Variants in GLRA3 observed in about 807,000 individuals in gnomAD.
GLRA3 encodes glycine receptor alpha 3, also known as glycine receptor subunit alpha-3.
Under a neutral mutation model 60.4 loss-of-function variants are expected in GLRA3, and 44 were observed. That is an observed-to-expected ratio of 0.73 (90% CI 0.57 to 0.94). The LOEUF is 0.94. Among genes scored for constraint, GLRA3 ranks in the 40% least tolerant of loss-of-function variants. The pLI, the probability that GLRA3 is intolerant of heterozygous loss-of-function variation, is 0.00. For synonymous variants in GLRA3, 223 were observed against 192.9 expected, an observed-to-expected ratio of 1.16 and a Z score of -1.29; for missense variants, 508 against 564.6, an observed-to-expected ratio of 0.90 and a Z score of 1.02.
At chr4:174,822,880 A>G (rs1205786323) in intron 1 of GLRA3, among the ~76,000 whole-genome samples, 1 of 152,190 alleles carries the variant, frequency 6.6e-6, no homozygotes, top group Non-Finnish European at 1.5e-5. Context: ...TACTAGTAAT[A>G]CTTCCTCCTA....
At chr4:174,726,820 C>G (rs1395353051) in intron 4 of GLRA3, among the ~76,000 whole-genome samples, 1 of 143,652 alleles carries the variant, frequency 7.0e-6, no homozygotes, top group Non-Finnish European at 1.5e-5. Flanking sequence ...GAGATTCTTG[C>G]TATCTTTTGA....
chr4:174,774,638 G>C (rs181705901), intron 2 of GLRA3, among the ~76,000 whole-genome samples: 1 of 152,054 alleles, frequency 6.6e-6, no homozygotes, highest in African/African-American at 2.4e-5. Context: ...CTAAATAACT[G>C]AATAAGAATA....
intron 2 of GLRA3, among the ~76,000 whole-genome samples, chr4:174,772,564 G>A (rs1266409138): frequency 6.6e-6 from 1 of 152,080 alleles, no homozygotes; most frequent in Non-Finnish European, 1.5e-5. Flanking sequence ...ACACTTACTT[G>A]AAAGGCAGAT....
chr4:174,799,144 C>A (rs1195783618), intron 1 of GLRA3, among the ~76,000 whole-genome samples: 1 of 152,048 alleles, frequency 6.6e-6, no homozygotes, highest in Non-Finnish European at 1.5e-5. Context: ...ATATCTTAGG[C>A]ACAGGATTAA....
rs1274280450 is a variant in GLRA3, at chr4:174,760,041, T to C, written c.267+6922A>G. Among the ~76,000 whole-genome samples the C allele has an allele frequency of 2.6e-5, 4 of 152,280 alleles. No homozygotes were observed. In the East Asian group the frequency reaches 5.8e-4, roughly 22 times the overall value. ...TTATTTATACATCAAAAAGAATGCC[T>C]TGAAGAGTAGAATAAATGTTTAAAA... is the stretch of plus-strand genomic sequence containing the variant. On this transcript the variant is annotated intron_variant, in intron 3 of 9. Transcript: ENST00000274093.
At chr4:174,681,699 C>T (rs913199972) in intron 6 of GLRA3, among the ~76,000 whole-genome samples, 3 of 152,284 alleles carry the variant, frequency 2.0e-5, no homozygotes, top group East Asian at 3.9e-4. Flanking sequence ...CGAGAGAACA[C>T]ATTTCTGTTG....
chr4:174,649,672 T>A (rs1024201556), intron 9 of GLRA3, among the ~76,000 whole-genome samples: 1 of 152,038 alleles, frequency 6.6e-6, no homozygotes, highest in African/African-American at 2.4e-5. Context: ...TGCTGACTAT[T>A]TGGGTTCAGT....
intron 1 of GLRA3, among the ~76,000 whole-genome samples, chr4:174,810,050 G>A (rs1252372438): frequency 6.6e-6 from 1 of 152,126 alleles, no homozygotes; most frequent in Non-Finnish European, 1.5e-5. Flanking sequence ...AATGTACAAT[G>A]TGTCGAGCAC....
intron 3 of GLRA3, among the ~76,000 whole-genome samples, chr4:174,754,089 A>T (rs1737593979): frequency 6.6e-6 from 1 of 152,092 alleles, no homozygotes; most frequent in African/African-American, 2.4e-5. Context: ...ATTCTCTATG[A>T]TATTCTGTAT....
chr4:174,771,623 G>C (rs1296441123), intron 2 of GLRA3, among the ~76,000 whole-genome samples: 1 of 152,136 alleles, frequency 6.6e-6, no homozygotes, highest in East Asian at 1.9e-4. Flanking sequence ...CATGTTGGGG[G>C]AACATGGCCC....
chr4:174,820,253 T>C (rs1344673092), intron 1 of GLRA3, among the ~76,000 whole-genome samples: 1 of 151,960 alleles, frequency 6.6e-6, no homozygotes, highest in Non-Finnish European at 1.5e-5. Context: ...TAAAGAAAAA[T>C]AAGCTGCACC....
At chr4:174,676,750 A>T (rs942849160) in intron 7 of GLRA3, among the ~76,000 whole-genome samples, 3 of 152,158 alleles carry the variant, frequency 2.0e-5, no homozygotes, top group African/African-American at 7.2e-5. Flanking sequence ...TAAAATTACC[A>T]TGTAGATTCA....
chr4:174,764,634 A>T (rs1301048302), intron 3 of GLRA3, among the ~76,000 whole-genome samples: 1 of 152,030 alleles, frequency 6.6e-6, no homozygotes, highest in East Asian at 1.9e-4. Context: ...TAACACATAT[A>T]TTAGCATTTT....
chr4:174,672,427 T>G (rs1239677048), intron 7 of GLRA3, among the ~76,000 whole-genome samples: 1 of 152,170 alleles, frequency 6.6e-6, no homozygotes, highest in Non-Finnish European at 1.5e-5. Context: ...AGTGCACTCT[T>G]CCACCCTATT....
intron 6 of GLRA3, among the ~76,000 whole-genome samples, chr4:174,678,526 T>C (rs1011289559): frequency 2.6e-5 from 4 of 152,204 alleles, no homozygotes; most frequent in Admixed American, 6.5e-5. Context: ...AGTGCAAAGC[T>C]TCTATTCATG....
chr4:174,786,229 A>G (rs1275621350), intron 2 of GLRA3, among the ~76,000 whole-genome samples: 1 of 152,172 alleles, frequency 6.6e-6, no homozygotes, highest in Non-Finnish European at 1.5e-5. Context: ...TGAGCTAACT[A>G]GATTCCTTCC....
At chr4:174,693,488 G>C (rs1734938198) in intron 5 of GLRA3, among the ~76,000 whole-genome samples, 1 of 151,862 alleles carries the variant, frequency 6.6e-6, no homozygotes, top group South Asian at 2.1e-4. Flanking sequence ...TCTTCTTTCT[G>C]GGCTCTCTAT....
intron 5 of GLRA3, among the ~76,000 whole-genome samples, chr4:174,687,190 A>G (rs531342379): frequency 6.6e-6 from 1 of 152,196 alleles, no homozygotes; most frequent in Non-Finnish European, 1.5e-5. Flanking sequence ...ATCTTGCAGC[A>G]AAAACAATCC....
Position 174,715,770 on chromosome 4 carries a change from T to C in GLRA3, c.492-200A>G, listed in dbSNP as rs540539854. Reference sequence around the variant, plus strand: ...CTTTGGTGGGCTGGGGGTTGGATAATTGCATATCTTAGGCTGGTGCTAAAG... The same window carrying C: ...CTTTGGTGGGCTGGGGGTTGGATAACTGCATATCTTAGGCTGGTGCTAAAG... On this transcript the variant is annotated intron_variant, in intron 4 of 9. Coordinates refer to ENST00000274093, the MANE Select transcript of GLRA3 (RefSeq NM_006529.4). Among the ~76,000 whole-genome samples the C allele has an allele frequency of 9.8e-5, 15 of 152,296 alleles. No homozygotes were observed. The South Asian group carries it at 2.9e-3, about 29-fold the overall frequency.
Sources: allele counts gnomAD v4.1 joint callset (sites outside exome capture counted in the v4.1 genomes callset), GRCh38; gene constraint gnomAD v4.1.1; transcripts MANE v1.5; gene names NCBI Gene and HGNC (gene_info 2026-07-23, HGNC 2026-07-21).